The following EEF2K variants were observed in gnomAD, a reference collection of about 807,000 sequenced individuals.
EEF2K encodes alternative protein EEF2K.
EEF2K carries 70 observed loss-of-function variants against 93.8 expected under a neutral mutation model. The observed-to-expected ratio is 0.75, with a 90% confidence interval of 0.62 to 0.91. The LOEUF (loss-of-function observed/expected upper bound fraction) is 0.91. Among genes scored for constraint, EEF2K ranks in the 40% least tolerant of loss-of-function variants. EEF2K has a pLI of 0.00. For missense variants in EEF2K, 935 were observed against 972.9 expected (o/e 0.96, Z 0.52); for synonymous variants, 376 against 380.8 (o/e 0.99, Z 0.15).
intron 2 of EEF2K, among the ~76,000 whole-genome samples, chr16:22,233,732 C>A (rs1463484771): frequency 6.6e-6 from 1 of 152,140 alleles, no homozygotes; most frequent in Non-Finnish European, 1.5e-5. Flanking sequence ...TATCTCAGAG[C>A]TCATTCCACA....
Position 22,272,414 on chromosome 16 carries a change from T to C in EEF2K, c.1765-1212T>C, listed in dbSNP as rs571459388. 5.9e-5 allele frequency among the ~76,000 whole-genome samples: 9 copies of C among 152,240 alleles called. No homozygotes were observed. In the South Asian group the frequency reaches 1.9e-3, roughly 32 times the overall value. On this transcript the variant is annotated intron_variant, in intron 15 of 17. Coordinates refer to ENST00000263026, the MANE Select transcript of EEF2K (RefSeq NM_013302.5). Reference sequence around the variant, plus strand: ...TGGACCGTGAAAGCACTGTGCTAAGTGAAAAGAGTCGCAAAGGACCACATA... The same window carrying C: ...TGGACCGTGAAAGCACTGTGCTAAGCGAAAAGAGTCGCAAAGGACCACATA...
intron 15 of EEF2K, among the ~76,000 whole-genome samples, chr16:22,268,785 A>T (rs1007616154): frequency 2.6e-4 from 39 of 151,860 alleles, no homozygotes; most frequent in African/African-American, 8.9e-4. Context: ...GCAAAACCCT[A>T]TCTCTACCAA....
intron 15 of EEF2K, 137 bp from the exon 16 acceptor site, chr16:22,273,489 C>G: frequency 7.9e-7 from 1 of 1,272,366 alleles, no homozygotes; most frequent in Non-Finnish European, 1.1e-6. Flanking sequence ...TCAAGTGCCC[C>G]CTCCTATCTC....
At chr16:22,267,255 T>G (rs1278987528) in intron 15 of EEF2K, among the ~76,000 whole-genome samples, 1 of 152,136 alleles carries the variant, frequency 6.6e-6, no homozygotes, top group African/African-American at 2.4e-5. Flanking sequence ...GGCCTGGCAC[T>G]GAGTAGATGC....
intron 8 of EEF2K, 101 bp downstream of exon 8, chr16:22,257,486 C>A (rs947845243): frequency 1.3e-6 from 2 of 1,553,372 alleles, no homozygotes; most frequent in African/African-American, 2.7e-5. Context: ...ACACTGTACG[C>A]GCTTTTTCAA....
At chr16:22,258,790 G>A in intron 10 of EEF2K, 95 bp downstream of exon 10, 1 of 1,532,122 alleles carries the variant, frequency 6.5e-7, no homozygotes, top group Non-Finnish European at 8.9e-7. Flanking sequence ...AATCAGACAT[G>A]CTAATCGAAA....
At chr16:22,225,586 G>A (rs2047054311) in intron 1 of EEF2K, 68 bp from the exon 2 acceptor site, 2 of 1,281,542 alleles carry the variant, frequency 1.6e-6, no homozygotes, top group Non-Finnish European at 1.1e-6. Flanking sequence ...AGCATTTGGG[G>A]TGAGGGTCGG....
intron 7 of EEF2K, 143 bp from the exon 8 acceptor site, chr16:22,257,110 C>T: frequency 6.9e-7 from 1 of 1,449,744 alleles, no homozygotes; most frequent in Non-Finnish European, 9.3e-7. Context: ...CCCTGCCCAA[C>T]TGAAGAGGCC....
rs577051734 is a variant in EEF2K, at chr16:22,221,404, T to C, written c.-76-4250T>C. Among the ~76,000 whole-genome samples, 22 of 152,032 alleles carry C rather than the reference T, an allele frequency of 1.4e-4. No homozygotes were observed. In the South Asian group the frequency reaches 4.6e-3, roughly 32 times the overall value. On this transcript the variant is annotated intron_variant, in intron 1 of 17. Transcript: ENST00000263026. ...CGGGAGGATCACCTGAACCCAGCTGTTGGAGGCTACAGTGAGCTGTGATCA... is the reference window on the plus strand; with the variant it reads ...CGGGAGGATCACCTGAACCCAGCTGCTGGAGGCTACAGTGAGCTGTGATCA...
At position 22,251,210 on chromosome 16, in the gene EEF2K, C is replaced by G; in HGVS notation, c.506C>G (p.Ala169Gly). 6.2e-7 allele frequency: 1 copy of G among 1,614,090 alleles called. No homozygotes were observed. Among genetic ancestry groups the G allele is most frequent in the Non-Finnish European group, 8.5e-7 (1 of 1,180,008 alleles). ...TGGAAGGGCGCCTCCAACTACGTGG[C>G]GAAGCGCTACATCGAGCCCGTAGAC... Reference protein sequence around the residue: ...QQWKGASNYVAKRYIEPVDRD... With the variant: ...QQWKGASNYVGKRYIEPVDRD... Residue 169 changes from alanine (A) to glycine (G), a missense_variant, in exon 6 of 18, where the codon GCG becomes GGG. Ala to Gly is a moderately conservative substitution (Grantham distance 60). Coordinates refer to ENST00000263026, the MANE Select transcript of EEF2K (RefSeq NM_013302.5).
At chr16:22,235,571 C>T (rs1312555042) in intron 2 of EEF2K, among the ~76,000 whole-genome samples, 1 of 152,106 alleles carries the variant, frequency 6.6e-6, no homozygotes, top group Admixed American at 6.6e-5. Flanking sequence ...GATCTCAGCT[C>T]ACTGGAACCT....
chr16:22,277,252 T>C (rs2141687489), intron 16 of EEF2K, among the ~76,000 whole-genome samples: 1 of 152,284 alleles, frequency 6.6e-6, no homozygotes, highest in Non-Finnish European at 1.5e-5. Context: ...TCCTCCCGCC[T>C]CAGCCTCTCG....
chr16:22,248,943 T>C (rs1598185397), intron 4 of EEF2K, 128 bp downstream of exon 4: 1 of 971,572 alleles, frequency 1.0e-6, no homozygotes, highest in East Asian at 2.7e-5. Flanking sequence ...GGATTCTTTG[T>C]TATTGTTTAT....
At chr16:22,278,763 C>T (rs184064672) in intron 16 of EEF2K, among the ~76,000 whole-genome samples, 3 of 152,070 alleles carry the variant, frequency 2.0e-5, no homozygotes, top group African/African-American at 4.8e-5. Flanking sequence ...AAGAGCCCTC[C>T]GCCCTGTTTG....
rs77410151 is a variant in EEF2K, at chr16:22,273,437, T to A, written c.1765-189T>A. ...TTTCCCACCCCATCCCTGTTTTAGC[T>A]TGTCCTTGATTTGTTCCAGTGTCTG... On this transcript the variant is annotated intron_variant, in intron 15 of 17. Coordinates refer to ENST00000263026, the MANE Select transcript of EEF2K (RefSeq NM_013302.5). 9.2e-5 allele frequency among the ~76,000 whole-genome samples: 14 copies of A among 152,222 alleles called. No homozygotes were observed. The East Asian group carries it at 2.7e-3, about 29-fold the overall frequency.
Position 22,283,953 on chromosome 16 carries a change from A to G in EEF2K, c.2135A>G (p.Tyr712Cys). 1 of 1,595,364 alleles carries G rather than the reference A, an allele frequency of 6.3e-7. No homozygotes were observed. The highest frequency in any genetic ancestry group is 8.5e-7 in the Non-Finnish European group (1 of 1,171,004). The change falls in exon 18 of 18, where the codon TAC becomes TGC. Residue 712 changes from tyrosine (Y) to cysteine (C), a missense_variant. Transcript: ENST00000263026. ...ATGAAGGGCCGACTGGCCAACCAGT[A>G]CTACCAAAAGGCTGAAGAGGCCTGG... ...EAMKGRLANQYYQKAEEAWAQ... is the reference protein window; with the variant it reads ...EAMKGRLANQCYQKAEEAWAQ...
intron 1 of EEF2K, among the ~76,000 whole-genome samples, chr16:22,224,968 A>G (rs1188210940): frequency 6.6e-6 from 1 of 152,134 alleles, no homozygotes; most frequent in Non-Finnish European, 1.5e-5. Context: ...GAAAAAAAAA[A>G]AAGAACAAAG....
chr16:22,236,930 ACCT>A (rs2047173132), intron 2 of EEF2K, among the ~76,000 whole-genome samples: 1 of 109,024 alleles, frequency 9.2e-6, no homozygotes, highest in South Asian at 3.0e-4. Flanking sequence ...ATATCCACAG[ACCT>A]CTTTTTTTTT....
intron 2 of EEF2K, among the ~76,000 whole-genome samples, chr16:22,229,430 A>G (rs1430004775): frequency 6.6e-6 from 1 of 152,186 alleles, no homozygotes; most frequent in Non-Finnish European, 1.5e-5. Flanking sequence ...GAAGACGGGG[A>G]GAAGCCGGGC....
Sources: allele counts gnomAD v4.1 joint callset (sites outside exome capture counted in the v4.1 genomes callset), GRCh38; gene constraint gnomAD v4.1.1; transcripts MANE v1.5; gene names NCBI Gene and HGNC (gene_info 2026-07-23, HGNC 2026-07-21).